STK3: variants seen among roughly 807,000 people sequenced by gnomAD.
STK3 encodes serine/threonine kinase 3.
STK3 carries 41 observed loss-of-function variants against 58.0 expected under a neutral mutation model. That is an observed-to-expected ratio of 0.71 (90% confidence interval 0.55 to 0.92). STK3 has a LOEUF of 0.92. Ranked by LOEUF, STK3 falls within the 40% of genes least tolerant of loss-of-function variation. The pLI is 0.00. For synonymous variants in STK3, 170 were observed against 191.0 expected (o/e 0.89, Z 0.91); for missense variants, 479 against 602.7 (o/e 0.79, Z 2.15).
intron 4 of STK3, among the ~76,000 whole-genome samples, chr8:98,741,374 T>A (rs528310571): frequency 0.012 from 1,891 of 152,022 alleles, 31 homozygotes; most frequent in African/African-American, 0.037. Flanking sequence ...ATGTAAAAGA[T>A]CAGAAATTAT....
At chr8:98,787,545 T>C (rs1043634980) in intron 1 of STK3, among the ~76,000 whole-genome samples, 7 of 152,138 alleles carry the variant, frequency 4.6e-5, no homozygotes, top group Admixed American at 6.5e-5. Context: ...CCAGCCTTGA[T>C]AGAGACCCAG....
chr8:98,914,924 A>G (rs1839286543), intron 1 of STK3, among the ~76,000 whole-genome samples: 1 of 152,192 alleles, frequency 6.6e-6, no homozygotes, highest in African/African-American at 2.4e-5. Context: ...GTAAATGTAA[A>G]AAGAACACTG....
chr8:98,672,387 G>T (rs906774400), intron 6 of STK3, among the ~76,000 whole-genome samples: 4 of 152,160 alleles, frequency 2.6e-5, no homozygotes, highest in Non-Finnish European at 5.9e-5. Flanking sequence ...GTATGGGAAA[G>T]AAAGAATTTT....
At chr8:98,688,032 A>G (rs1191118224) in intron 6 of STK3, among the ~76,000 whole-genome samples, 1 of 152,210 alleles carries the variant, frequency 6.6e-6, no homozygotes, top group Non-Finnish European at 1.5e-5. Flanking sequence ...TCTGCAAAAG[A>G]ACCATCTCAC....
chr8:98,487,751 G>A (rs544250466), intron 10 of STK3, among the ~76,000 whole-genome samples: 1 of 152,238 alleles, frequency 6.6e-6, no homozygotes, highest in East Asian at 1.9e-4. Flanking sequence ...TCACATATAT[G>A]AAGACAATCC....
At chr8:98,647,199 T>C (rs1009872703) in intron 6 of STK3, among the ~76,000 whole-genome samples, 1 of 152,130 alleles carries the variant, frequency 6.6e-6, no homozygotes, top group African/African-American at 2.4e-5. Flanking sequence ...GGTATATGTG[T>C]GGTTTACTCC....
chr8:98,917,810 G>A (rs775227747), intron 1 of STK3, among the ~76,000 whole-genome samples: 1 of 152,156 alleles, frequency 6.6e-6, no homozygotes, highest in African/African-American at 2.4e-5. Flanking sequence ...CCAACACCCT[G>A]CCAAACACCA....
chr8:98,448,536 C>T (rs754521299), intron 1 of STK3, among the ~76,000 whole-genome samples: 8 of 152,116 alleles, frequency 5.3e-5, no homozygotes, highest in African/African-American at 7.2e-5. Context: ...CTAACATGGT[C>T]GGTATACACT....
At chr8:98,512,796 T>C (rs1824622553) in intron 10 of STK3, among the ~76,000 whole-genome samples, 1 of 152,178 alleles carries the variant, frequency 6.6e-6, no homozygotes, top group African/African-American at 2.4e-5. Context: ...TTCACTTTCA[T>C]GGTTTTATTT....
chr8:98,356,454 C>T, the STK3 span, among the ~76,000 whole-genome samples: 4 of 152,056 alleles, frequency 2.6e-5, no homozygotes, highest in African/African-American at 4.8e-5. Context: ...GGGTAGGGGG[C>T]GCAGCTTAGC....
the STK3 span, among the ~76,000 whole-genome samples, chr8:98,347,228 G>T: frequency 6.6e-6 from 1 of 151,792 alleles, no homozygotes; most frequent in African/African-American, 2.4e-5. Context: ...AAAAACCAGC[G>T]TATTGGCCGG....
chr8:98,697,546 T>C (rs913319066), intron 6 of STK3, among the ~76,000 whole-genome samples: 1 of 152,214 alleles, frequency 6.6e-6, no homozygotes, highest in Non-Finnish European at 1.5e-5. Flanking sequence ...CCAGAGATTC[T>C]TGTATATTGT....
intron 3 of STK3, among the ~76,000 whole-genome samples, chr8:98,836,143 G>A (rs549977496): frequency 1.3e-5 from 2 of 152,176 alleles, no homozygotes; most frequent in African/African-American, 4.8e-5. Context: ...AGAGGTTGCA[G>A]TGAGCTGAGA....
chr8:98,435,018 G>C (rs762191097), intron 2 of STK3, among the ~76,000 whole-genome samples: 80 of 152,212 alleles, frequency 5.3e-4, no homozygotes, highest in Non-Finnish European at 9.8e-4. Context: ...TGCTCCCACT[G>C]CTCTCCACCT....
upstream of STK3, among the ~76,000 whole-genome samples, chr8:98,389,595 G>A (rs1355794503): frequency 2.0e-5 from 3 of 152,002 alleles, no homozygotes; most frequent in East Asian, 1.9e-4. Flanking sequence ...TTGGGGTGCA[G>A]GACTGGCTGT....
chr8:98,541,924 G>A (rs1810307500), intron 9 of STK3, among the ~76,000 whole-genome samples: 1 of 152,170 alleles, frequency 6.6e-6, no homozygotes, highest in Non-Finnish European at 1.5e-5. Context: ...CTAGAATCCT[G>A]CCCAAGAGGG....
chr8:98,347,723 AAG>A, the STK3 span, among the ~76,000 whole-genome samples: 2 of 152,180 alleles, frequency 1.3e-5, no homozygotes, highest in African/African-American at 4.8e-5. Flanking sequence ...ATAAAAAAGC[AAG>A]ACTGACCTAT....
intron 3 of STK3, among the ~76,000 whole-genome samples, chr8:98,395,287 T>A (rs901318666): frequency 6.6e-6 from 1 of 151,978 alleles, no homozygotes; most frequent in Non-Finnish European, 1.5e-5. Context: ...CGAGGAAAAA[T>A]TATTGTGCTA....
At chr8:98,760,743 C>A (rs1044521194) in intron 3 of STK3, among the ~76,000 whole-genome samples, 3 of 151,412 alleles carry the variant, frequency 2.0e-5, no homozygotes, top group African/African-American at 7.3e-5. Flanking sequence ...GGCTTCTGGG[C>A]TTCCTCTCAT....
Sources: allele counts gnomAD v4.1 joint callset (sites outside exome capture counted in the v4.1 genomes callset), GRCh38; gene constraint gnomAD v4.1.1; transcripts MANE v1.5; gene names NCBI Gene and HGNC (gene_info 2026-07-23, HGNC 2026-07-21).